Variants in LRFN5 observed in about 807,000 individuals in gnomAD.
LRFN5 encodes the protein leucine-rich repeat and fibronectin type-III domain-containing protein 5.
A neutral mutation model predicts 45.6 loss-of-function variants in LRFN5; 24 were observed. The observed-to-expected ratio is 0.53, with a 90% confidence interval of 0.38 to 0.74. LRFN5 has a LOEUF of 0.74. Ranked by LOEUF, LRFN5 falls within the 30% of genes least tolerant of loss-of-function variation. LRFN5 has a pLI of 0.00. For missense variants in LRFN5, 776 were observed against 861.5 expected (o/e 0.90, Z 1.24); for synonymous variants, 340 against 313.8 (o/e 1.08, Z -0.88).
chr14:41,637,215 T>C (rs549914938), intron 1 of LRFN5, among the ~76,000 whole-genome samples: 414 of 152,270 alleles, frequency 2.7e-3, no homozygotes, highest in Middle Eastern at 0.01. Context: ...TAGGAGGCCC[T>C]ATCCTAGTCA....
intron 1 of LRFN5, among the ~76,000 whole-genome samples, chr14:41,622,563 T>C (rs1450374775): frequency 6.6e-6 from 1 of 152,098 alleles, no homozygotes; most frequent in Non-Finnish European, 1.5e-5. Flanking sequence ...GTACTGTTCA[T>C]AATTATCATA....
At chr14:41,805,104 A>G (rs1346332792) in intron 2 of LRFN5, among the ~76,000 whole-genome samples, 4 of 151,368 alleles carry the variant, frequency 2.6e-5, no homozygotes, top group African/African-American at 9.8e-5. Flanking sequence ...AAAGTAATAA[A>G]TAGCATCTGT....
Position 41,606,903 on chromosome 14 carries a change from C to T in LRFN5, c.-1856C>T, listed in dbSNP as rs1470201501. 6.6e-6 allele frequency among the ~76,000 whole-genome samples: 1 copy of T among 151,934 alleles called. No homozygotes were observed. The highest frequency in any genetic ancestry group is 1.5e-5 in the Non-Finnish European group (1 of 67,948). The stretch of plus-strand genomic sequence containing the variant: ...CGCCGCCGCCGCCTTCATGCTGCAG[C>T]GCAGGGCTCAGTTCCACGCGGCCAG... On this transcript the variant is annotated 5_prime_UTR_variant, in exon 1 of 6. Transcript: ENST00000298119.
chr14:41,624,956 T>TA (rs890737698), intron 1 of LRFN5, among the ~76,000 whole-genome samples: 10 of 152,062 alleles, frequency 6.6e-5, no homozygotes, highest in African/African-American at 2.4e-4. Context: ...TATTTCCAGA[T>TA]AAAATATCCT....
At chr14:41,616,357 C>A (rs1192866288) in intron 1 of LRFN5, among the ~76,000 whole-genome samples, 2 of 152,080 alleles carry the variant, frequency 1.3e-5, no homozygotes, top group African/African-American at 2.4e-5. Context: ...GTCACAGAAG[C>A]CAAAATGGCA....
At chr14:41,726,419 T>G (rs1318486987) in intron 1 of LRFN5, among the ~76,000 whole-genome samples, 1 of 152,128 alleles carries the variant, frequency 6.6e-6, no homozygotes, top group Non-Finnish European at 1.5e-5. Flanking sequence ...CTTGCTAAAC[T>G]GCATCAGAGG....
chr14:41,729,197 C>G (rs936471490), intron 1 of LRFN5, among the ~76,000 whole-genome samples: 1 of 152,078 alleles, frequency 6.6e-6, no homozygotes, highest in Non-Finnish European at 1.5e-5. Flanking sequence ...GGGGTCAGAT[C>G]CCTTGTGAAT....
intron 2 of LRFN5, among the ~76,000 whole-genome samples, chr14:41,857,851 A>C (rs1329826249): frequency 6.6e-6 from 1 of 152,198 alleles, no homozygotes; most frequent in Non-Finnish European, 1.5e-5. Flanking sequence ...TTATGCTGAA[A>C]CTTGAAGTTT....
intron 1 of LRFN5, among the ~76,000 whole-genome samples, chr14:41,723,647 C>A (rs1401201676): frequency 6.6e-6 from 1 of 152,072 alleles, no homozygotes; most frequent in Non-Finnish European, 1.5e-5. Flanking sequence ...CCCAAGCTGA[C>A]TCTTGCTGCA....
intron 1 of LRFN5, among the ~76,000 whole-genome samples, chr14:41,639,001 T>C (rs1213000104): frequency 2.0e-5 from 3 of 151,998 alleles, no homozygotes; most frequent in African/African-American, 7.2e-5. Context: ...GTAGAAAAGG[T>C]TGGTGTCATT....
At chr14:41,819,196 G>A (rs1888027053) in intron 2 of LRFN5, among the ~76,000 whole-genome samples, 1 of 152,136 alleles carries the variant, frequency 6.6e-6, no homozygotes, top group East Asian at 1.9e-4. Context: ...ACATACCAGT[G>A]CAGGTGTCAC....
chr14:41,868,958 C>T lies in LRFN5; in HGVS notation c.-20-17648C>T, dbSNP rs576859437. 2.0e-4 allele frequency among the ~76,000 whole-genome samples: 31 copies of T among 152,140 alleles called. 1 individual carries two copies. Among genetic ancestry groups the T allele is most frequent in the South Asian group, 6.2e-4 (3 of 4,834 alleles). ...CAAATAAACATAGTGCACACGTTTA[C>T]GCTAATCACTTAATTTGCATTTAGT... On this transcript the variant is annotated intron_variant, in intron 2 of 5. Transcript: ENST00000298119.
chr14:41,681,534 T>C (rs1208040522), intron 1 of LRFN5, among the ~76,000 whole-genome samples: 3 of 151,894 alleles, frequency 2.0e-5, no homozygotes, highest in Non-Finnish European at 4.4e-5. Flanking sequence ...TAATAGTATA[T>C]CCAGCAATAA....
intron 1 of LRFN5, among the ~76,000 whole-genome samples, chr14:41,717,578 C>A (rs530484720): frequency 2.0e-5 from 3 of 152,314 alleles, no homozygotes; most frequent in African/African-American, 7.2e-5. Flanking sequence ...ATTCTCACCA[C>A]AGCTTCCACT....
At chr14:41,645,677 T>A (rs1278257236) in intron 1 of LRFN5, among the ~76,000 whole-genome samples, 1 of 152,202 alleles carries the variant, frequency 6.6e-6, no homozygotes, top group East Asian at 1.9e-4. Context: ...TTGTTTCACC[T>A]CTTCATGGGT....
chr14:41,899,136 C>G (rs560812858), intron 5 of LRFN5, among the ~76,000 whole-genome samples, 176 bp downstream of exon 5: 74 of 152,162 alleles, frequency 4.9e-4, no homozygotes, highest in Middle Eastern at 3.4e-3. Flanking sequence ...AGTGAATTCA[C>G]AGTTTCTAAA....
chr14:41,667,061 A>G (rs1435524435), intron 1 of LRFN5, among the ~76,000 whole-genome samples: 1 of 152,192 alleles, frequency 6.6e-6, no homozygotes, highest in Non-Finnish European at 1.5e-5. Flanking sequence ...TAACAATTAG[A>G]GCAAAAGCTG....
In LRFN5 at chr14:41,893,531, C is replaced by T. The variant is rs905744411; in HGVS notation, c.2098+1569C>T. ...GTACTCTTTGGGAGTAAGTTAAACA[C>T]ACAGTAAAAGTTTATTAACTTTTTC... On this transcript the variant is annotated intron_variant, in intron 4 of 5. Coordinates refer to ENST00000298119, the MANE Select transcript of LRFN5 (RefSeq NM_152447.5). 5 of 984,610 alleles carry T rather than the reference C, an allele frequency of 5.1e-6. No individual in the cohort carries two copies. In the African/African-American group the frequency reaches 8.7e-5, roughly 17 times the overall value. The allele number at this position is 984,610 out of a possible 1,614,324, so 61.0% of individuals were successfully genotyped here.
chr14:41,722,710 C>T (rs1361088846), intron 1 of LRFN5, among the ~76,000 whole-genome samples: 5 of 152,116 alleles, frequency 3.3e-5, no homozygotes, highest in Non-Finnish European at 7.4e-5. Context: ...GCAGTTCATC[C>T]TACAAGTCAG....
Sources: allele counts gnomAD v4.1 joint callset (sites outside exome capture counted in the v4.1 genomes callset), GRCh38; gene constraint gnomAD v4.1.1; transcripts MANE v1.5; gene names NCBI Gene and HGNC (gene_info 2026-07-23, HGNC 2026-07-21).